Variants in SPACA7 observed in about 807,000 individuals in gnomAD.
SPACA7 encodes sperm acrosome-associated protein 7.
SPACA7 carries 19 observed loss-of-function variants against 26.3 expected under a neutral mutation model. That is an observed-to-expected ratio of 0.72 (90% confidence interval 0.50 to 1.06). SPACA7 has a LOEUF of 1.06. Among genes scored for constraint, SPACA7 ranks in the 50% least tolerant of loss-of-function variants. The pLI is 0.00. For synonymous variants in SPACA7, 84 were observed against 84.5 expected (o/e 0.99, Z 0.04); for missense variants, 211 against 229.9 (o/e 0.92, Z 0.53).
intron 5 of SPACA7, among the ~76,000 whole-genome samples, chr13:112,410,201 T>C (rs1454622732): frequency 2.6e-5 from 4 of 151,798 alleles, no homozygotes; most frequent in Non-Finnish European, 5.9e-5. Flanking sequence ...AAATATCAGA[T>C]GCTGGGGCCT....
At chr13:112,398,952 A>C in intron 3 of SPACA7, 114 bp from the exon 4 acceptor site, 1 of 689,372 alleles carries the variant, frequency 1.5e-6, no homozygotes, top group Non-Finnish European at 2.6e-6. Flanking sequence ...TAGAGCTTGC[A>C]AACTGTATTA....
chr13:112,411,218 A>T (rs557400269), intron 5 of SPACA7, among the ~76,000 whole-genome samples: 2 of 151,738 alleles, frequency 1.3e-5, no homozygotes, highest in African/African-American at 2.4e-5. Context: ...TTTTTGTTCT[A>T]CTAAACACCT....
intron 3 of SPACA7, among the ~76,000 whole-genome samples, chr13:112,398,448 G>A (rs552211305): frequency 3.1e-4 from 47 of 152,122 alleles, no homozygotes; most frequent in African/African-American, 8.2e-4. Context: ...TGAGAACCCT[G>A]CACTAACCAA....
At chr13:112,380,189 C>T (rs567205404) in intron 1 of SPACA7, among the ~76,000 whole-genome samples, 29 of 151,978 alleles carry the variant, frequency 1.9e-4, no homozygotes, top group East Asian at 5.8e-4. Context: ...CCAACATGGG[C>T]GGATAATCTG....
At chr13:112,402,504 T>A (rs1189617984) in intron 5 of SPACA7, among the ~76,000 whole-genome samples, 1 of 152,230 alleles carries the variant, frequency 6.6e-6, no homozygotes, top group Non-Finnish European at 1.5e-5. Flanking sequence ...TCTTTACCAA[T>A]TTTTATGCAT....
rs190318169 is a variant in SPACA7 at position 112,399,475 on chromosome 13, C to T, written c.349+302C>T. ...AGGCAGGTGCTGCCACAATGCCTGG[C>T]CCCCTCTCCCAAAGCTTCAGCTAAG... On this transcript the variant is annotated intron_variant, in intron 4 of 6. Transcript: ENST00000283550. 3.3e-3 allele frequency among the ~76,000 whole-genome samples: 487 copies of T among 148,206 alleles called. 2 individuals carry two copies. Among genetic ancestry groups the T allele is most frequent in the Non-Finnish European group, 5.3e-3 (359 of 68,006 alleles).
intron 5 of SPACA7, among the ~76,000 whole-genome samples, chr13:112,426,370 A>G (rs1027381061): frequency 6.6e-6 from 1 of 152,238 alleles, no homozygotes; most frequent in African/African-American, 2.4e-5. Flanking sequence ...TTGATTTTCA[A>G]AATCAATCTG....
intron 1 of SPACA7, among the ~76,000 whole-genome samples, chr13:112,386,888 G>A (rs1884561597): frequency 6.6e-6 from 1 of 152,066 alleles, no homozygotes; most frequent in Non-Finnish European, 1.5e-5. Context: ...TCAAAAACAT[G>A]GTAAGAAGTT....
At chr13:112,386,816 C>G (rs569363532) in intron 1 of SPACA7, among the ~76,000 whole-genome samples, 14 of 152,278 alleles carry the variant, frequency 9.2e-5, no homozygotes, top group South Asian at 8.3e-4. Flanking sequence ...CTGACTTTAG[C>G]CAGGCCAAGT....
At chr13:112,378,826 G>T (rs1205811962) in intron 1 of SPACA7, 1 of 460,520 alleles carries the variant, frequency 2.2e-6, no homozygotes, top group Non-Finnish European at 4.5e-6. Context: ...TGACATTCCA[G>T]TCAAAGCCTT....
Position 112,399,131 on chromosome 13 carries a change from T to A in SPACA7, c.307T>A (p.Leu103Ile). ...GAATTACCATGAATTATTAGAGAATTTACAATTCTCTCCTGGCATTGAGGT... is the reference window on the plus strand; with the variant it reads ...GAATTACCATGAATTATTAGAGAATATACAATTCTCTCCTGGCATTGAGGT... ...SENYHELLEN[L>I]QFSPGIEVKI... The change falls in exon 4 of 7, where the codon TTA (leucine) becomes ATA (isoleucine). Residue 103 changes from leucine to isoleucine, a missense_variant. Coordinates refer to ENST00000283550, the MANE Select transcript of SPACA7 (RefSeq NM_145248.5). The A allele has an allele frequency of 1.2e-6, 2 of 1,610,640 alleles. No homozygotes were observed. Among genetic ancestry groups the A allele is most frequent in the Non-Finnish European group, 1.7e-6 (2 of 1,176,888 alleles).
At chr13:112,409,938 T>A (rs1886238980) in intron 5 of SPACA7, among the ~76,000 whole-genome samples, 1 of 152,300 alleles carries the variant, frequency 6.6e-6, no homozygotes, top group East Asian at 1.9e-4. Context: ...GTGGCACTAT[T>A]CACAATAGCA....
chr13:112,430,981 T>A (rs1432646796), intron 5 of SPACA7, among the ~76,000 whole-genome samples: 1 of 152,152 alleles, frequency 6.6e-6, no homozygotes, highest in Non-Finnish European at 1.5e-5. Flanking sequence ...TTGGCAGTAA[T>A]CTCTCTGGTG....
At chr13:112,418,988 C>T (rs555202979) in intron 5 of SPACA7, among the ~76,000 whole-genome samples, 1 of 151,580 alleles carries the variant, frequency 6.6e-6, no homozygotes, top group African/African-American at 2.4e-5. Flanking sequence ...ATGCACTGCA[C>T]TCCAGCCTGG....
chr13:112,385,028 T>C (rs1884434351), intron 1 of SPACA7, among the ~76,000 whole-genome samples: 2 of 152,218 alleles, frequency 1.3e-5, no homozygotes, highest in African/African-American at 4.8e-5. Context: ...AGCAGATTAA[T>C]TTTCTAAGAA....
At chr13:112,389,411 C>T (rs185155538) in intron 1 of SPACA7, among the ~76,000 whole-genome samples, 43 of 152,278 alleles carry the variant, frequency 2.8e-4, no homozygotes, top group Non-Finnish European at 5.9e-4. Context: ...ATTATGTCTG[C>T]ATTATATCTA....
At chr13:112,378,709 G>A (rs1490060920) in intron 1 of SPACA7, 1 of 471,032 alleles carries the variant, frequency 2.1e-6, no homozygotes, top group East Asian at 6.9e-5. Flanking sequence ...TGTGGGATGG[G>A]GACCCGGTGA....
chr13:112,425,494 C>T (rs139314663), intron 5 of SPACA7, among the ~76,000 whole-genome samples: 75 of 152,220 alleles, frequency 4.9e-4, no homozygotes, highest in African/African-American at 1.4e-3. Flanking sequence ...TCAGGCAGCG[C>T]GAGGCCACCC....
chr13:112,383,042 AAGAC>A (rs1307334969), intron 1 of SPACA7, among the ~76,000 whole-genome samples: 2 of 147,486 alleles, frequency 1.4e-5, no homozygotes, highest in African/African-American at 5.0e-5. Context: ...GAGAGAGAGA[AAGAC>A]AGAAGGAAAG....
Sources: gnomAD v4.1 joint callset for allele counts (sites outside exome capture counted in the v4.1 genomes callset) on GRCh38, gnomAD v4.1.1 for gene constraint, MANE v1.5 for transcripts, NCBI Gene and HGNC (gene_info 2026-07-23, HGNC 2026-07-21) for gene names.